Variants in SLC26A7 observed in about 807,000 individuals in gnomAD.
The protein encoded by SLC26A7 is solute carrier family 26 member 7.
In SLC26A7, 59 loss-of-function variants were observed where a neutral mutation model predicts 82.5. The observed-to-expected ratio is 0.72, with a 90% confidence interval of 0.58 to 0.89. SLC26A7 has a LOEUF of 0.89. SLC26A7 is among the 40% of genes least tolerant of loss of function. The pLI is 0.00. For missense variants in SLC26A7, 820 were observed against 793.0 expected (o/e 1.03, Z -0.41); for synonymous variants, 271 against 274.3 (o/e 0.99, Z 0.12).
At chr8:91,245,006 C>T (rs142399792), upstream of SLC26A7, among the ~76,000 whole-genome samples, 619 of 152,288 alleles carry the variant, frequency 4.1e-3, 1 homozygote, top group African/African-American at 0.014. Flanking sequence ...TAGAACTTTG[C>T]TCACTCTACT....
chr8:91,359,180 T>C (rs1016086759), intron 11 of SLC26A7, among the ~76,000 whole-genome samples: 8 of 151,240 alleles, frequency 5.3e-5, no homozygotes, highest in African/African-American at 1.9e-4. Flanking sequence ...GTCAAAAGAG[T>C]TGAGGAAAGG....
At chr8:91,369,941 C>A in intron 15 of SLC26A7, 108 bp downstream of exon 15, 1 of 854,820 alleles carries the variant, frequency 1.2e-6, no homozygotes, top group Non-Finnish European at 1.9e-6. Flanking sequence ...CTCTTCTGTT[C>A]TTCTTCTTTT....
intron 2 of SLC26A7, among the ~76,000 whole-genome samples, chr8:91,250,215 GT>G (rs937757297): frequency 1.3e-5 from 2 of 152,008 alleles, no homozygotes; most frequent in Admixed American, 6.6e-5. Context: ...GAACACAATC[GT>G]TTTGGAACCT....
chr8:91,234,137 A>G (rs1454131118), intron 2 of SLC26A7, among the ~76,000 whole-genome samples: 1 of 152,220 alleles, frequency 6.6e-6, no homozygotes, highest in Non-Finnish European at 1.5e-5. Context: ...CAATTCTCTG[A>G]AAGTTCTGGT....
intron 4 of SLC26A7, among the ~76,000 whole-genome samples, chr8:91,315,388 G>C (rs1212584696): frequency 2.7e-5 from 4 of 150,024 alleles, no homozygotes; most frequent in Admixed American, 2.0e-4. Context: ...GGAATAATTG[G>C]TTCAATGTTT....
chr8:91,337,936 A>G (rs1207373485), intron 6 of SLC26A7, among the ~76,000 whole-genome samples: 3 of 91,378 alleles, frequency 3.3e-5, no homozygotes, highest in African/African-American at 9.8e-5. Context: ...TATGATTGGG[A>G]TGTCATCTAA....
At chr8:91,319,990 C>A (rs1258044950) in intron 5 of SLC26A7, among the ~76,000 whole-genome samples, 1 of 152,010 alleles carries the variant, frequency 6.6e-6, no homozygotes, top group African/African-American at 2.4e-5. Context: ...TTTTGTTTTT[C>A]ATTTTGTATT....
intron 15 of SLC26A7, among the ~76,000 whole-genome samples, chr8:91,373,613 G>T (rs1228304728): frequency 6.6e-6 from 1 of 151,964 alleles, no homozygotes; most frequent in Non-Finnish European, 1.5e-5. Context: ...ATGTGCTGCT[G>T]CATTCACTTT....
intron 1 of SLC26A7, among the ~76,000 whole-genome samples, chr8:91,210,072 A>G (rs529311126): frequency 4.2e-4 from 64 of 152,330 alleles, no homozygotes; most frequent in African/African-American, 1.5e-3. Context: ...AGTCATAGAC[A>G]GAACCAACAA....
intron 5 of SLC26A7, among the ~76,000 whole-genome samples, chr8:91,322,638 T>C (rs1199221823): frequency 6.6e-6 from 1 of 152,200 alleles, no homozygotes; most frequent in African/African-American, 2.4e-5. Flanking sequence ...TGGGTTTCTT[T>C]GAGATGGTGC....
In SLC26A7 at chr8:91,297,198, A is replaced by G. The variant is rs149804342; in HGVS notation, c.477+1495A>G. Among the ~76,000 whole-genome samples the G allele has an allele frequency of 1.6e-3, 236 of 152,242 alleles. 2 individuals are homozygous for G. The highest frequency in any genetic ancestry group is 5.6e-3 in the African/African-American group (233 of 41,554). On this transcript the variant is annotated intron_variant, in intron 4 of 18. Transcript: ENST00000276609. ...AACAAGTAGTTTTAGGTTGTTTAATAGTGTAGTATTAGTTTTAGGTATATA... is the reference window on the plus strand; with the variant it reads ...AACAAGTAGTTTTAGGTTGTTTAATGGTGTAGTATTAGTTTTAGGTATATA...
At chr8:91,357,418 A>G (rs1813901669) in intron 11 of SLC26A7, 1 of 152,080 alleles carries the variant, frequency 6.6e-6, no homozygotes, top group Non-Finnish European at 1.5e-5. Flanking sequence ...CACATTTTAT[A>G]TTGTTTTGGG....
At chr8:91,220,565 A>G (rs1056376048) in intron 2 of SLC26A7, among the ~76,000 whole-genome samples, 4 of 151,912 alleles carry the variant, frequency 2.6e-5, no homozygotes, top group African/African-American at 9.7e-5. Context: ...TGTGTTCTCA[A>G]CGTTCAACTC....
upstream of SLC26A7, among the ~76,000 whole-genome samples, chr8:91,248,563 T>A (rs1426053517): frequency 6.6e-6 from 1 of 152,142 alleles, no homozygotes; most frequent in Admixed American, 6.6e-5. Flanking sequence ...TTTTTCTTTT[T>A]CTTTTGGAGG....
At chr8:91,324,263 A>C (rs1047289142) in intron 5 of SLC26A7, among the ~76,000 whole-genome samples, 6 of 152,258 alleles carry the variant, frequency 3.9e-5, no homozygotes, top group African/African-American at 1.4e-4. Flanking sequence ...AGAGACATCA[A>C]ATTCTTATGA....
intron 2 of SLC26A7, among the ~76,000 whole-genome samples, chr8:91,230,440 T>C (rs1810296264): frequency 6.6e-6 from 1 of 152,178 alleles, no homozygotes; most frequent in African/African-American, 2.4e-5. Context: ...GCTCTGAAGC[T>C]CCCATGCTAT....
At chr8:91,210,464 T>G (rs1485571990) in intron 1 of SLC26A7, among the ~76,000 whole-genome samples, 1 of 152,076 alleles carries the variant, frequency 6.6e-6, no homozygotes, top group Non-Finnish European at 1.5e-5. Flanking sequence ...GCTTTCCTTC[T>G]GTTGACTTGC....
In SLC26A7 at chr8:91,392,872, C is replaced by A. The variant is rs187601290; in HGVS notation, c.1777-925C>A. The stretch of plus-strand genomic sequence containing the variant: ...CACTGGGAGGTCACCTTGAATTAAT[C>A]ATTTTAACTTGCAAAAATGGGAGCC... On this transcript the variant is annotated intron_variant, in intron 16 of 18. Transcript: ENST00000276609. 3.9e-5 allele frequency among the ~76,000 whole-genome samples: 6 copies of A among 152,276 alleles called. No homozygotes were observed. In the East Asian group the frequency reaches 1.2e-3, roughly 29 times the overall value.
intron 2 of SLC26A7, among the ~76,000 whole-genome samples, chr8:91,269,115 G>T (rs1416123400): frequency 6.6e-6 from 1 of 151,828 alleles, no homozygotes; most frequent in East Asian, 1.9e-4. Flanking sequence ...AGATATAAGT[G>T]GTTTATACAC....
Sources: gnomAD v4.1 joint callset for allele counts (sites outside exome capture counted in the v4.1 genomes callset) on GRCh38, gnomAD v4.1.1 for gene constraint, MANE v1.5 for transcripts, NCBI Gene and HGNC (gene_info 2026-07-23, HGNC 2026-07-21) for gene names.